The following KCNIP4 variants were observed in gnomAD, a reference collection of about 807,000 sequenced individuals.
KCNIP4 encodes the protein potassium voltage-gated channel interacting protein 4.
KCNIP4 carries 12 observed loss-of-function variants against 34.0 expected under a neutral mutation model. That is an observed-to-expected ratio of 0.35 (90% confidence interval 0.23 to 0.57). KCNIP4 has a LOEUF of 0.57. KCNIP4 is among the 20% of genes least tolerant of loss of function. The pLI is 0.83. For missense variants in KCNIP4, 238 were observed against 311.7 expected (o/e 0.76, Z 1.78); for synonymous variants, 124 against 102.2 (o/e 1.21, Z -1.29).
At chr4:21,537,809 C>T (rs1476408729) in intron 1 of KCNIP4, among the ~76,000 whole-genome samples, 1 of 151,774 alleles carries the variant, frequency 6.6e-6, no homozygotes, top group African/African-American at 2.4e-5. Context: ...GTCAGGAGAT[C>T]GAGACCATCC....
intron 1 of KCNIP4, among the ~76,000 whole-genome samples, chr4:21,924,243 C>CTTTTT (rs67541105): frequency 1.9e-4 from 20 of 107,546 alleles, no homozygotes; most frequent in African/African-American, 5.6e-4. Context: ...GAATATATTT[C>CTTTTT]TTTTTTTTTT....
At chr4:21,595,391 T>C (rs190361382) in intron 1 of KCNIP4, among the ~76,000 whole-genome samples, 106 of 152,286 alleles carry the variant, frequency 7.0e-4, no homozygotes, top group Middle Eastern at 3.4e-3. Context: ...CAGTCTATCA[T>C]TGATGGGCAT....
At chr4:21,286,336 G>T (rs1368779549) in intron 1 of KCNIP4, among the ~76,000 whole-genome samples, 1 of 152,176 alleles carries the variant, frequency 6.6e-6, no homozygotes, top group African/African-American at 2.4e-5. Context: ...ACAATTGGTT[G>T]AGCAGGGGAG....
chr4:21,363,398 G>C (rs1474374281), intron 1 of KCNIP4, among the ~76,000 whole-genome samples: 1 of 152,078 alleles, frequency 6.6e-6, no homozygotes, highest in African/African-American at 2.4e-5. Flanking sequence ...AGCCTCACAG[G>C]GGTTTATCCT....
At chr4:20,745,739 T>A (rs569824793) in intron 5 of KCNIP4, among the ~76,000 whole-genome samples, 3 of 152,298 alleles carry the variant, frequency 2.0e-5, no homozygotes, top group African/African-American at 7.2e-5. Context: ...TGGATTCTGT[T>A]CATCTGCCAA....
chr4:20,886,638 G>A (rs1487311734), intron 1 of KCNIP4, among the ~76,000 whole-genome samples: 2 of 152,180 alleles, frequency 1.3e-5, no homozygotes, highest in Non-Finnish European at 2.9e-5. Context: ...ACTTCACTGA[G>A]CACCTCTGGC....
intron 1 of KCNIP4, among the ~76,000 whole-genome samples, chr4:21,082,374 T>C (rs1324089274): frequency 1.3e-5 from 2 of 151,714 alleles, no homozygotes; most frequent in Non-Finnish European, 2.9e-5. Flanking sequence ...CCCCAGAGAA[T>C]TTCTGTAAAG....
At chr4:21,731,114 C>CAAAAAAAAAAAA in intron 1 of KCNIP4, among the ~76,000 whole-genome samples, 1 of 135,132 alleles carries the variant, frequency 7.4e-6, no homozygotes, top group Non-Finnish European at 1.6e-5. Context: ...GAACCTGTCT[C>CAAAAAAAAAAAA]AAAAAAAAAA....
chr4:20,733,571 T>A (rs1748871377), intron 6 of KCNIP4, among the ~76,000 whole-genome samples: 1 of 152,188 alleles, frequency 6.6e-6, no homozygotes, highest in Non-Finnish European at 1.5e-5. Context: ...TTAAGATGTT[T>A]TAAGCATAGA....
Position 21,672,713 on chromosome 4 carries a change from C to G in KCNIP4, c.61+275858G>C, listed in dbSNP as rs1749597785. ...TGTCCTTTGTGTAACAAATTACCCT[C>G]AAAGTTGGCATATTAAAACAGCAAA... On this transcript the variant is annotated intron_variant, in intron 1 of 8. Transcript: ENST00000382152. Among the ~76,000 whole-genome samples, 3 of 152,346 alleles carry G rather than the reference C, an allele frequency of 2.0e-5. No individual in the cohort carries two copies. In the South Asian group the frequency reaches 6.2e-4, roughly 32 times the overall value.
At chr4:21,762,949 C>T (rs750287760) in intron 1 of KCNIP4, 39 of 1,288,638 alleles carry the variant, frequency 3.0e-5, no homozygotes, top group East Asian at 5.5e-5. Context: ...CTCCCACTTC[C>T]GAAGTCTCCC....
chr4:21,880,949 A>T (rs920431463), intron 1 of KCNIP4, among the ~76,000 whole-genome samples: 3 of 152,226 alleles, frequency 2.0e-5, no homozygotes, highest in African/African-American at 4.8e-5. Context: ...TAAAACTCTT[A>T]TTAATTGATA....
At chr4:21,268,790 C>A (rs999565241) in intron 1 of KCNIP4, among the ~76,000 whole-genome samples, 9 of 152,186 alleles carry the variant, frequency 5.9e-5, no homozygotes, top group Non-Finnish European at 1.3e-4. Flanking sequence ...GGAAGACACC[C>A]AAGACCCACC....
rs114620286 is a variant in KCNIP4 at position 21,324,702 on chromosome 4, T to G, written c.62-441993A>C. 2.1e-3 allele frequency among the ~76,000 whole-genome samples: 320 copies of G among 151,160 alleles called. 3 individuals carry two copies. Among genetic ancestry groups the G allele is most frequent in the African/African-American group, 7.3e-3 (300 of 41,330 alleles). On this transcript the variant is annotated intron_variant, in intron 1 of 8. Transcript: ENST00000382152. Reference sequence around the variant, plus strand: ...TAATGTGATTCCTCCAGTTTTGTTTTGTTTTTTTCTTTTACTCAGGATTGC... The same window carrying G: ...TAATGTGATTCCTCCAGTTTTGTTTGGTTTTTTTCTTTTACTCAGGATTGC...
chr4:21,920,873 C>CTTTTTTTTTTTTTTTTTTTTTTTT (rs1728899285), intron 1 of KCNIP4, among the ~76,000 whole-genome samples: 2 of 151,634 alleles, frequency 1.3e-5, no homozygotes, highest in African/African-American at 4.9e-5. Flanking sequence ...TGTACATTTT[C>CTTTTTTTTTTTTTTTTTTTTTTTT]TTTGTTTGCT....
At chr4:21,622,589 T>C (rs1012998286) in intron 1 of KCNIP4, among the ~76,000 whole-genome samples, 6 of 152,178 alleles carry the variant, frequency 3.9e-5, no homozygotes, top group Non-Finnish European at 7.4e-5. Flanking sequence ...ATTTAACATG[T>C]TTATTTATAT....
intron 2 of KCNIP4, among the ~76,000 whole-genome samples, chr4:20,872,315 T>C (rs1320828607): frequency 6.6e-6 from 1 of 152,126 alleles, no homozygotes; most frequent in Non-Finnish European, 1.5e-5. Context: ...ACTCATCTTT[T>C]GTTCTTCTAC....
chr4:21,512,150 AAGGGAGGG>A (rs199906705), intron 1 of KCNIP4, among the ~76,000 whole-genome samples: 64 of 87,610 alleles, frequency 7.3e-4, no homozygotes, highest in African/African-American at 1.7e-3. Flanking sequence ...GAAAGGAAGC[AAGGGAGGG>A]AGGGAGGGAG....
intron 1 of KCNIP4, among the ~76,000 whole-genome samples, chr4:21,111,571 C>A (rs1246715880): frequency 6.6e-6 from 1 of 152,164 alleles, no homozygotes; most frequent in Non-Finnish European, 1.5e-5. Context: ...GACTGGCCTG[C>A]CTCAGTCTCT....
Sources: gnomAD v4.1 joint callset for allele counts (sites outside exome capture counted in the v4.1 genomes callset) on GRCh38, gnomAD v4.1.1 for gene constraint, MANE v1.5 for transcripts, NCBI Gene and HGNC (gene_info 2026-07-23, HGNC 2026-07-21) for gene names.